The following MAGI2 variants were observed in gnomAD, a reference collection of about 807,000 sequenced individuals.
The protein encoded by MAGI2 is membrane-associated guanylate kinase, WW and PDZ domain-containing protein 2.
A neutral mutation model predicts 133.3 loss-of-function variants in MAGI2; 35 were observed. The observed-to-expected ratio is 0.26, with a 90% CI of 0.20 to 0.35. The LOEUF (loss-of-function observed/expected upper bound fraction) is 0.35, where lower values mean the gene tolerates loss of function less well. Ranked by LOEUF, MAGI2 falls within the 10% of genes least tolerant of loss-of-function variation. The probability of loss-of-function intolerance (pLI) is 1.00; values close to 1 mark genes in which losing one functional copy is unlikely to be tolerated. For synonymous variants in MAGI2, 729 were observed against 710.6 expected (o/e 1.03, Z -0.41); for missense variants, 1,636 against 1,863.4 (o/e 0.88, Z 2.25).
At chr7:78,889,273 G>A (rs142146232) in intron 2 of MAGI2, among the ~76,000 whole-genome samples, 5,208 of 152,272 alleles carry the variant, frequency 0.034, 260 homozygotes, top group East Asian at 0.22. Flanking sequence ...TGAAAGTGAC[G>A]AGGAGAATGG....
At chr7:78,036,754 C>T (rs1052631260) in intron 21 of MAGI2, among the ~76,000 whole-genome samples, 12 of 152,092 alleles carry the variant, frequency 7.9e-5, no homozygotes, top group Non-Finnish European at 1.6e-4. Context: ...ATAGCTGGGA[C>T]CACAGGTGTC....
intron 3 of MAGI2, among the ~76,000 whole-genome samples, chr7:78,573,676 T>C (rs192689890): frequency 2.7e-3 from 415 of 151,668 alleles, no homozygotes; most frequent in Non-Finnish European, 4.8e-3. Flanking sequence ...ATCCTTATTA[T>C]GCTTTTACAT....
intron 1 of MAGI2, among the ~76,000 whole-genome samples, chr7:79,201,022 G>C (rs1430551693): frequency 6.6e-6 from 1 of 151,942 alleles, no homozygotes; most frequent in Non-Finnish European, 1.5e-5. Context: ...CCCTCGGCAG[G>C]GCTTTCGGTC....
chr7:79,290,353 T>C (rs1287715423), intron 1 of MAGI2, among the ~76,000 whole-genome samples: 1 of 150,468 alleles, frequency 6.6e-6, no homozygotes, highest in Non-Finnish European at 1.5e-5. Context: ...TGGATATATA[T>C]ATATGTATAT....
intron 14 of MAGI2, among the ~76,000 whole-genome samples, chr7:78,172,155 A>G (rs772840939): frequency 3.3e-5 from 5 of 152,050 alleles, no homozygotes; most frequent in African/African-American, 4.8e-5. Flanking sequence ...CAGGGGAAAA[A>G]CTCACACTAA....
chr7:78,630,566 G>A (rs758062901), intron 2 of MAGI2, among the ~76,000 whole-genome samples: 7 of 151,612 alleles, frequency 4.6e-5, no homozygotes, highest in South Asian at 2.1e-4. Context: ...ATAGGTGTGC[G>A]CCACCACACC....
intron 20 of MAGI2, among the ~76,000 whole-genome samples, chr7:78,112,726 C>T (rs1819476436): frequency 6.6e-6 from 1 of 152,174 alleles, no homozygotes. Flanking sequence ...GGTACACAGC[C>T]CTGGGCCCTG....
chr7:78,722,477 A>G (rs1820360418), intron 2 of MAGI2, among the ~76,000 whole-genome samples: 1 of 152,062 alleles, frequency 6.6e-6, no homozygotes, highest in Non-Finnish European at 1.5e-5. Context: ...CCATATTCAA[A>G]TGTTACAAAA....
intron 1 of MAGI2, among the ~76,000 whole-genome samples, chr7:79,182,514 A>T (rs2129550414): frequency 6.6e-6 from 1 of 152,106 alleles, no homozygotes. Flanking sequence ...TTCAAGATGA[A>T]ATTTGAGTGG....
At chr7:78,962,273 A>G (rs1274312332) in intron 2 of MAGI2, among the ~76,000 whole-genome samples, 2 of 152,118 alleles carry the variant, frequency 1.3e-5, no homozygotes, top group East Asian at 3.9e-4. Flanking sequence ...GTGACATGCT[A>G]GAAACAAACT....
In MAGI2 at chr7:78,925,817, T is replaced by G. The variant is rs1409788025; in HGVS notation, c.418+81273A>C. ...GTAAATATTTTAATAATGCATCAGT[T>G]TTAATTTCTAATGTGGCAAATATTC... On this transcript the variant is annotated intron_variant, in intron 2 of 21. Coordinates refer to ENST00000354212, the MANE Select transcript of MAGI2 (RefSeq NM_012301.4). Among the ~76,000 whole-genome samples, 3 of 152,008 alleles carry G rather than the reference T, an allele frequency of 2.0e-5. No individual in the cohort carries two copies. In the East Asian group the frequency reaches 5.8e-4, roughly 29 times the overall value.
intron 6 of MAGI2, among the ~76,000 whole-genome samples, chr7:78,453,759 G>C (rs1035064209): frequency 6.6e-6 from 1 of 152,102 alleles, no homozygotes; most frequent in Non-Finnish European, 1.5e-5. Flanking sequence ...TAAAATTATC[G>C]CCATTTTATA....
intron 1 of MAGI2, among the ~76,000 whole-genome samples, chr7:79,263,918 CAT>C (rs1834257908): frequency 6.6e-6 from 1 of 152,090 alleles, no homozygotes. Context: ...ACAAAAACCA[CAT>C]GTGAGAGTAT....
At chr7:78,856,118 ATTTG>A (rs1793614786) in intron 2 of MAGI2, among the ~76,000 whole-genome samples, 1 of 151,980 alleles carries the variant, frequency 6.6e-6, no homozygotes, top group African/African-American at 2.4e-5. Context: ...TTTCTTGTAA[ATTTG>A]TTTAAGTTCT....
At chr7:79,039,766 G>A (rs1811449231) in intron 1 of MAGI2, among the ~76,000 whole-genome samples, 2 of 150,216 alleles carry the variant, frequency 1.3e-5, no homozygotes, top group Non-Finnish European at 3.0e-5. Context: ...CAGATCACTT[G>A]AGGTTAGGAG....
At chr7:78,718,349 G>T (rs963939697) in intron 2 of MAGI2, among the ~76,000 whole-genome samples, 4 of 152,130 alleles carry the variant, frequency 2.6e-5, no homozygotes, top group Non-Finnish European at 5.9e-5. Flanking sequence ...CAACCCCTGG[G>T]CCATGGACTG....
At chr7:78,557,308 C>T (rs556290740) in intron 3 of MAGI2, among the ~76,000 whole-genome samples, 1 of 152,160 alleles carries the variant, frequency 6.6e-6, no homozygotes, top group Admixed American at 6.5e-5. Flanking sequence ...GCCAGAACAA[C>T]AAAATTGGAA....
At chr7:78,243,224 T>TACAC (rs539437959) in intron 10 of MAGI2, among the ~76,000 whole-genome samples, 441 of 140,788 alleles carry the variant, frequency 3.1e-3, no homozygotes, top group Non-Finnish European at 4.4e-3. Flanking sequence ...ATGGTTCAGA[T>TACAC]ACACACACAC....
chr7:78,127,183 C>T lies in MAGI2; in HGVS notation c.3423+14G>A. 1.9e-6 allele frequency: 3 copies of T among 1,551,120 alleles called. No individual in the cohort carries two copies. Among genetic ancestry groups the T allele is most frequent in the Non-Finnish European group, 2.6e-6 (3 of 1,151,932 alleles). On this transcript the variant is annotated intron_variant, in intron 19 of 21. Coordinates refer to ENST00000354212, the MANE Select transcript of MAGI2 (RefSeq NM_012301.4). ...CCTTGGTCAGGACCCACCCTGCTCT[C>T]CGGGAGGAGGTACCTGGGGTTGTCT...
Sources: gnomAD v4.1 joint callset for allele counts (sites outside exome capture counted in the v4.1 genomes callset) on GRCh38, gnomAD v4.1.1 for gene constraint, MANE v1.5 for transcripts, NCBI Gene and HGNC (gene_info 2026-07-23, HGNC 2026-07-21) for gene names.